MARCHF1: variants seen among roughly 807,000 people sequenced by gnomAD.
MARCHF1 encodes membrane associated ring-CH-type finger 1, also known as E3 ubiquitin-protein ligase MARCHF1.
A neutral mutation model predicts 54.2 loss-of-function variants in MARCHF1; 40 were observed. The observed-to-expected ratio is 0.74, with a 90% confidence interval of 0.57 to 0.96. MARCHF1 has a LOEUF of 0.96. Ranked by LOEUF, MARCHF1 falls within the 40% of genes least tolerant of loss-of-function variation. The probability of loss-of-function intolerance (pLI) is 0.00; values close to 1 mark genes in which losing one functional copy is unlikely to be tolerated. For synonymous variants in MARCHF1, 236 were observed against 236.3 expected (o/e 1.00, Z 0.01); for missense variants, 586 against 656.5 (o/e 0.89, Z 1.17).
At chr4:163,817,829 G>A (rs1312937884) in intron 4 of MARCHF1, among the ~76,000 whole-genome samples, 2 of 151,466 alleles carry the variant, frequency 1.3e-5, no homozygotes, top group East Asian at 1.9e-4. Flanking sequence ...GATGAAATTG[G>A]AAATCATCAT....
At chr4:163,672,053 C>A (rs1365997414) in intron 5 of MARCHF1, among the ~76,000 whole-genome samples, 1 of 152,080 alleles carries the variant, frequency 6.6e-6, no homozygotes, top group Non-Finnish European at 1.5e-5. Context: ...GTTGTTTATA[C>A]AAAGAGGACT....
chr4:163,658,403 GA>G (rs1315919502), intron 5 of MARCHF1, among the ~76,000 whole-genome samples: 1 of 151,990 alleles, frequency 6.6e-6, no homozygotes, highest in African/African-American at 2.4e-5. Flanking sequence ...AGAAATAACA[GA>G]TACTGGTGAG....
chr4:163,610,296 G>A (rs147971724), intron 7 of MARCHF1, among the ~76,000 whole-genome samples: 26 of 152,026 alleles, frequency 1.7e-4, no homozygotes, highest in Admixed American at 9.2e-4. Context: ...CCTCAGCATC[G>A]AGTATAACAT....
chr4:163,605,506 C>G (rs1200324364), intron 7 of MARCHF1, among the ~76,000 whole-genome samples: 1 of 152,102 alleles, frequency 6.6e-6, no homozygotes, highest in Non-Finnish European at 1.5e-5. Context: ...GGAGATTCCT[C>G]AAGGATTTAG....
intron 3 of MARCHF1, among the ~76,000 whole-genome samples, chr4:163,876,532 G>A (rs1750293430): frequency 6.6e-6 from 1 of 152,016 alleles, no homozygotes; most frequent in Non-Finnish European, 1.5e-5. Flanking sequence ...AAAGTATGTA[G>A]AATGTGACAT....
At chr4:163,836,090 G>A (rs1389615350) in intron 4 of MARCHF1, among the ~76,000 whole-genome samples, 2 of 152,048 alleles carry the variant, frequency 1.3e-5, no homozygotes, top group African/African-American at 2.4e-5. Flanking sequence ...AATGAAGTAC[G>A]TACTTCTTTT....
intron 3 of MARCHF1, among the ~76,000 whole-genome samples, chr4:163,950,494 G>C (rs189912397): frequency 6.6e-6 from 1 of 152,198 alleles, no homozygotes; most frequent in Non-Finnish European, 1.5e-5. Context: ...GTTGCTTCCC[G>C]GTCCCAGAGA....
intron 1 of MARCHF1, among the ~76,000 whole-genome samples, chr4:164,351,825 G>T (rs1426235257): frequency 6.6e-6 from 1 of 151,868 alleles, no homozygotes; most frequent in Admixed American, 6.6e-5. Flanking sequence ...GCTACGGGAG[G>T]ACATTCAAAC....
chr4:163,566,653 C>T (rs182456965), intron 8 of MARCHF1, among the ~76,000 whole-genome samples: 273 of 152,264 alleles, frequency 1.8e-3, no homozygotes, highest in African/African-American at 6.2e-3. Context: ...CTGGTGGAAG[C>T]ACAAACCATC....
intron 4 of MARCHF1, among the ~76,000 whole-genome samples, chr4:163,797,326 G>A (rs559190534): frequency 3.2e-5 from 4 of 125,990 alleles, no homozygotes; most frequent in South Asian, 6.1e-4. Flanking sequence ...AGTGTGATAC[G>A]GTGTGTATGT....
chr4:163,950,104 C>T (rs986370782), intron 3 of MARCHF1, among the ~76,000 whole-genome samples: 15 of 152,158 alleles, frequency 9.9e-5, no homozygotes, highest in African/African-American at 3.6e-4. Context: ...CAGGCCAGGC[C>T]CAGCCTGAAG....
intron 3 of MARCHF1, among the ~76,000 whole-genome samples, chr4:163,930,913 C>T (rs1751658269): frequency 6.6e-6 from 1 of 151,994 alleles, no homozygotes; most frequent in South Asian, 2.1e-4. Context: ...GTGCAGAATG[C>T]TGTGAATTAA....
intron 2 of MARCHF1, among the ~76,000 whole-genome samples, chr4:164,094,265 G>A (rs1488145501): frequency 1.3e-5 from 2 of 152,150 alleles, no homozygotes; most frequent in African/African-American, 4.8e-5. Flanking sequence ...TACTGATTTT[G>A]AAGCCAGCAG....
intron 4 of MARCHF1, among the ~76,000 whole-genome samples, chr4:163,806,456 C>T (rs923145141): frequency 1.5e-4 from 23 of 152,328 alleles, no homozygotes; most frequent in Middle Eastern, 3.4e-3. Flanking sequence ...GAATCTTACC[C>T]TTTTGGATAA....
At chr4:164,120,597 C>CAAAACATACCA (rs1756046306) in intron 1 of MARCHF1, among the ~76,000 whole-genome samples, 1 of 151,950 alleles carries the variant, frequency 6.6e-6, no homozygotes, top group South Asian at 2.1e-4. Context: ...CAAAATGAGT[C>CAAAACATACCA]AAAACATACC....
chr4:164,295,833 C>T (rs1438356427), intron 1 of MARCHF1, among the ~76,000 whole-genome samples: 1 of 152,080 alleles, frequency 6.6e-6, no homozygotes, highest in East Asian at 1.9e-4. Flanking sequence ...ATAACCTAAA[C>T]TAAAGCAAGA....
chr4:164,231,655 C>T (rs1005747843), intron 1 of MARCHF1, among the ~76,000 whole-genome samples: 1 of 152,048 alleles, frequency 6.6e-6, no homozygotes, highest in African/African-American at 2.4e-5. Flanking sequence ...AGCTCAGAAT[C>T]AAAACTCATG....
In MARCHF1 at chr4:163,787,102, A is replaced by G. The variant is rs142595493; in HGVS notation, c.111+66919T>C. ...ACAAACTGGTTAACAGATATAAACCAAAGATCTAAAACTATAAAACTTCTA... is the reference window on the plus strand; with the variant it reads ...ACAAACTGGTTAACAGATATAAACCGAAGATCTAAAACTATAAAACTTCTA... On this transcript the variant is annotated intron_variant, in intron 4 of 9. Transcript: ENST00000514618. Among the ~76,000 whole-genome samples, 845 of 152,060 alleles carry G rather than the reference A, an allele frequency of 5.6e-3. 6 individuals are homozygous for G. Among genetic ancestry groups the G allele is most frequent in the African/African-American group, 0.019 (804 of 41,542 alleles).
chr4:164,307,459 T>G (rs1277399562), intron 1 of MARCHF1, among the ~76,000 whole-genome samples: 1 of 152,224 alleles, frequency 6.6e-6, no homozygotes, highest in East Asian at 1.9e-4. Flanking sequence ...TAGGTGGAGA[T>G]GTGGCCAGTG....
Sources: gnomAD v4.1 joint callset for allele counts (sites outside exome capture counted in the v4.1 genomes callset) on GRCh38, gnomAD v4.1.1 for gene constraint, MANE v1.5 for transcripts, NCBI Gene and HGNC (gene_info 2026-07-23, HGNC 2026-07-21) for gene names.